Variants in DAB2 observed in about 807,000 individuals in gnomAD.
DAB2 encodes disabled homolog 2.
Under a neutral mutation model 71.6 loss-of-function variants are expected in DAB2, and 28 were observed. The observed-to-expected ratio is 0.39, with a 90% CI of 0.29 to 0.54. The LOEUF is 0.54. Ranked by LOEUF, DAB2 falls within the 20% of genes least tolerant of loss-of-function variation. The pLI, the probability that DAB2 is intolerant of heterozygous loss-of-function variation, is 0.68. For missense variants in DAB2, 867 were observed against 928.8 expected (o/e 0.93, Z 0.86); for synonymous variants, 345 against 339.7 (o/e 1.02, Z -0.17).
chr5:39,397,926 G>T (rs184451048), intron 1 of DAB2, among the ~76,000 whole-genome samples: 31 of 152,262 alleles, frequency 2.0e-4, no homozygotes, highest in Admixed American at 5.9e-4. Flanking sequence ...TGAAGTGTGT[G>T]TGACTATACC....
At chr5:39,377,316 G>A (rs2738238) in intron 11 of DAB2, 34 bp from the exon 12 acceptor site, 717,995 of 1,576,300 alleles carry the variant, frequency 0.46, 167,434 homozygotes, top group Non-Finnish European at 0.48. Flanking sequence ...CTTATCAGGA[G>A]TCAAGCTTGA....
rs571130078 is a variant in DAB2 at position 39,401,854 on chromosome 5, G to A, written c.-101-7433C>T. On this transcript the variant is annotated intron_variant, in intron 1 of 14. Transcript: ENST00000320816. ...TGCAAGCTCCGCCTGCCGGGTTCAC[G>A]CCATTCCCCTGCCTCAGCCTCCCAA... is the stretch of plus-strand genomic sequence containing the variant. Among the ~76,000 whole-genome samples, 106 of 151,974 alleles carry A rather than the reference G, an allele frequency of 7.0e-4. 1 individual carries two copies. Among genetic ancestry groups the A allele is most frequent in the African/African-American group, 2.4e-3 (100 of 41,428 alleles).
At chr5:39,376,284 G>T (rs538842107) in intron 12 of DAB2, among the ~76,000 whole-genome samples, 178 bp from the exon 13 acceptor site, 1 of 152,302 alleles carries the variant, frequency 6.6e-6, no homozygotes, top group Admixed American at 6.5e-5. Flanking sequence ...GGAAGAGAAA[G>T]CCATGCATAT....
chr5:39,373,281 A>G lies in DAB2; in HGVS notation c.*150T>C, dbSNP rs558445032. The G allele has an allele frequency of 1.3e-5, 2 of 152,570 alleles. No individual in the cohort carries two copies. The highest frequency in any genetic ancestry group is 2.9e-5 in the Non-Finnish European group (2 of 68,010). 9.5% of individuals were successfully genotyped at this position (152,570 alleles called of 1,614,324 possible). A position where few individuals can be genotyped will look rare whatever the true frequency, so the allele number is the denominator to read the frequency against. ...AGAAAGTGAAAAGCATTTTACAAGTAGAAGAGGCAATGAGAAATAAGGCAA... is the reference window on the plus strand; with the variant it reads ...AGAAAGTGAAAAGCATTTTACAAGTGGAAGAGGCAATGAGAAATAAGGCAA... On this transcript the variant is annotated 3_prime_UTR_variant, in exon 15 of 15. Transcript: ENST00000320816.
At chr5:39,423,124 C>T (rs1756027300) in intron 1 of DAB2, among the ~76,000 whole-genome samples, 1 of 152,112 alleles carries the variant, frequency 6.6e-6, no homozygotes, top group Admixed American at 6.5e-5. Flanking sequence ...TGACTGGTTT[C>T]TAGGTCAGTC....
At chr5:39,381,389 G>T in intron 11 of DAB2, 65 bp downstream of exon 11, 3 of 1,508,404 alleles carry the variant, frequency 2.0e-6, no homozygotes, top group South Asian at 2.3e-5. Context: ...AATCTCTTCC[G>T]ATGCATCATC....
At position 39,372,542 on chromosome 5, in the gene DAB2, G is replaced by A. The variant is rs1056362773; in HGVS notation, c.*889C>T. On this transcript the variant is annotated 3_prime_UTR_variant, in exon 15 of 15. Coordinates refer to ENST00000320816, the MANE Select transcript of DAB2 (RefSeq NM_001343.4). ...CCTCCTCTTCCACAGGAAGGATATA[G>A]GTTGTGCCCATTTGCAATTCTAGTT... 2 of 152,144 alleles carry A rather than the reference G, an allele frequency of 1.3e-5. No individual in the cohort carries two copies. Among genetic ancestry groups the A allele is most frequent in the African/African-American group, 2.4e-5 (1 of 41,424 alleles). 9.4% of individuals were successfully genotyped at this position (152,144 alleles called of 1,614,324 possible). A position where few individuals can be genotyped will look rare whatever the true frequency, so the allele number is the denominator to read the frequency against.
At chr5:39,405,975 G>C (rs1228498169) in intron 1 of DAB2, among the ~76,000 whole-genome samples, 3 of 152,168 alleles carry the variant, frequency 2.0e-5, no homozygotes, top group South Asian at 2.1e-4. Context: ...CTGGGAAAAA[G>C]GATAATATGG....
At chr5:39,401,730 GTTATTTATTTATTTAT>G (rs55909785) in intron 1 of DAB2, among the ~76,000 whole-genome samples, 2 of 141,196 alleles carry the variant, frequency 1.4e-5, no homozygotes, top group Non-Finnish European at 3.1e-5. Context: ...CTGAGACTGG[GTTATTTATTTATTTAT>G]TTATTTATTT....
chr5:39,378,539 G>A (rs1256555397), intron 11 of DAB2, among the ~76,000 whole-genome samples: 2 of 152,194 alleles, frequency 1.3e-5, no homozygotes, highest in African/African-American at 4.8e-5. Flanking sequence ...GAGCTTCTTA[G>A]TCTGAGACAT....
intron 1 of DAB2, among the ~76,000 whole-genome samples, chr5:39,419,869 A>C (rs1400328925): frequency 6.6e-6 from 1 of 152,218 alleles, no homozygotes; most frequent in African/African-American, 2.4e-5. Flanking sequence ...CATGCTTTTT[A>C]ATCTTTCTGC....
chr5:39,386,203 G>T (rs1022867872), intron 9 of DAB2, among the ~76,000 whole-genome samples: 2 of 152,054 alleles, frequency 1.3e-5, no homozygotes, highest in African/African-American at 4.8e-5. Context: ...AATGCTCAAG[G>T]GGCTTGCCAA....
intron 3 of DAB2, 120 bp from the exon 4 acceptor site, chr5:39,392,583 G>C: frequency 1.4e-6 from 1 of 700,912 alleles, no homozygotes; most frequent in Non-Finnish European, 2.4e-6. Flanking sequence ...ATCGATGAGA[G>C]GATTCGGCAC....
chr5:39,416,546 C>A (rs893601034), intron 1 of DAB2, among the ~76,000 whole-genome samples: 1 of 152,164 alleles, frequency 6.6e-6, no homozygotes, highest in Non-Finnish European at 1.5e-5. Flanking sequence ...AGGCCGTTGT[C>A]TTCTGTTTCC....
Position 39,389,183 on chromosome 5 carries a change from C to A in DAB2, c.544-60G>T, listed in dbSNP as rs143675397. On this transcript the variant is annotated intron_variant, in intron 6 of 14. Coordinates refer to ENST00000320816, the MANE Select transcript of DAB2 (RefSeq NM_001343.4). The stretch of plus-strand genomic sequence containing the variant: ...ATTCATAGTGAAAGGGAGTTAAATA[C>A]ACAAACAAGTATGCCTATGGTTCAC... 3.9e-5 allele frequency: 53 copies of A among 1,359,554 alleles called. 1 individual carries two copies. The East Asian group carries it at 1.2e-3, about 31-fold the overall frequency. The allele number at this position is 1,359,554 out of a possible 1,614,324, so 84.2% of individuals were successfully genotyped here. A position where few individuals can be genotyped will look rare whatever the true frequency, so the allele number is the denominator to read the frequency against.
intron 9 of DAB2, 45 bp downstream of exon 9, chr5:39,388,260 T>G: frequency 7.2e-7 from 1 of 1,387,806 alleles, no homozygotes; most frequent in Non-Finnish European, 1.0e-6. Context: ...ATTTGAGTTA[T>G]AGATGTCATT....
intron 1 of DAB2, among the ~76,000 whole-genome samples, chr5:39,400,861 A>C (rs1158384633): frequency 6.6e-6 from 1 of 152,174 alleles, no homozygotes; most frequent in African/African-American, 2.4e-5. Context: ...CTGGACAGAG[A>C]ATGTGCTTCC....
At chr5:39,406,832 A>G (rs1755619193) in intron 1 of DAB2, among the ~76,000 whole-genome samples, 1 of 152,224 alleles carries the variant, frequency 6.6e-6, no homozygotes, top group Admixed American at 6.5e-5. Flanking sequence ...TACATGAAAA[A>G]TATTAGAGTT....
chr5:39,378,183 T>A (rs145448580), intron 11 of DAB2, among the ~76,000 whole-genome samples: 200 of 152,308 alleles, frequency 1.3e-3, no homozygotes, highest in African/African-American at 4.5e-3. Flanking sequence ...CATCAGGAAT[T>A]CGTTAAATCG....
Sources: gnomAD v4.1 joint callset for allele counts (sites outside exome capture counted in the v4.1 genomes callset) on GRCh38, gnomAD v4.1.1 for gene constraint, MANE v1.5 for transcripts, NCBI Gene and HGNC (gene_info 2026-07-23, HGNC 2026-07-21) for gene names.